The following MLIP variants were observed in gnomAD, a reference collection of about 807,000 sequenced individuals.
The protein encoded by MLIP is muscular LMNA-interacting protein.
Under a neutral mutation model 84.8 loss-of-function variants are expected in MLIP, and 79 were observed. That is an observed-to-expected ratio of 0.93 (90% CI 0.78 to 1.12). MLIP has a LOEUF of 1.12. Among genes scored for constraint, MLIP ranks in the 50% most tolerant of loss-of-function variants. The probability of loss-of-function intolerance (pLI) is 0.00; values close to 1 mark genes in which losing one functional copy is unlikely to be tolerated. For synonymous variants in MLIP, 504 were observed against 463.0 expected, an observed-to-expected ratio of 1.09 and a Z score of -1.14; for missense variants, 1,257 against 1,160.6, an observed-to-expected ratio of 1.08 and a Z score of -1.21.
intron 1 of MLIP, among the ~76,000 whole-genome samples, chr6:54,086,917 T>C (rs1211238161): frequency 2.0e-5 from 3 of 152,224 alleles, no homozygotes; most frequent in African/African-American, 7.2e-5. Context: ...CATCTTCTGC[T>C]ACTCCCTGTA....
chr6:54,079,903 C>T (rs1401926208), intron 1 of MLIP, among the ~76,000 whole-genome samples: 1 of 152,146 alleles, frequency 6.6e-6, no homozygotes, highest in East Asian at 1.9e-4. Context: ...CCTCCAACTA[C>T]CGCTCCACAA....
chr6:54,175,976 C>T (rs1776242438), intron 9 of MLIP, among the ~76,000 whole-genome samples: 1 of 151,938 alleles, frequency 6.6e-6, no homozygotes, highest in Admixed American at 6.6e-5. Flanking sequence ...GCTTTTTCAG[C>T]ATCAATGATG....
intron 3 of MLIP, among the ~76,000 whole-genome samples, chr6:54,127,314 A>G (rs1402720940): frequency 6.6e-6 from 1 of 152,202 alleles, no homozygotes; most frequent in Non-Finnish European, 1.5e-5. Context: ...ACTACATTAA[A>G]TCAAGTTCTG....
intron 12 of MLIP, among the ~76,000 whole-genome samples, chr6:54,242,757 C>G (rs551576868): frequency 1.3e-5 from 2 of 152,172 alleles, no homozygotes; most frequent in South Asian, 2.1e-4. Flanking sequence ...AGGAACAGCT[C>G]TTTGAGATAA....
At chr6:54,116,314 T>A (rs527590924) in intron 1 of MLIP, among the ~76,000 whole-genome samples, 1 of 152,202 alleles carries the variant, frequency 6.6e-6, no homozygotes, top group African/African-American at 2.4e-5. Context: ...ATTAATTATA[T>A]CAAGAGTGAT....
Position 54,117,820 on chromosome 6 carries a change from C to A in MLIP, c.97-3627C>A, listed in dbSNP as rs543715865. On this transcript the variant is annotated intron_variant, in intron 1 of 13. Transcript: ENST00000502396. The stretch of plus-strand genomic sequence containing the variant: ...AGTTAGCTGGGCGTGTTGGCGGGCG[C>A]CTGTAGTCCCAGCTACTCGGAAGGC... Among the ~76,000 whole-genome samples, 4 of 151,932 alleles carry A rather than the reference C, an allele frequency of 2.6e-5. No homozygotes were observed. The South Asian group carries it at 8.3e-4, about 32-fold the overall frequency.
chr6:54,247,287 A>G (rs1175424785), intron 12 of MLIP, among the ~76,000 whole-genome samples: 3 of 152,162 alleles, frequency 2.0e-5, no homozygotes, highest in Non-Finnish European at 4.4e-5. Context: ...AGGGCTTCTT[A>G]GCGATCAGTA....
chr6:54,181,056 A>G (rs1336753273), intron 9 of MLIP, among the ~76,000 whole-genome samples: 1 of 152,058 alleles, frequency 6.6e-6, no homozygotes, highest in Non-Finnish European at 1.5e-5. Context: ...CTCTGTACTG[A>G]GCTGCCTGGA....
chr6:54,088,666 T>C (rs1767657572), intron 1 of MLIP, among the ~76,000 whole-genome samples: 1 of 152,212 alleles, frequency 6.6e-6, no homozygotes, highest in Admixed American at 6.5e-5. Flanking sequence ...GAATAGCTTA[T>C]TATACCTGTT....
intron 11 of MLIP, among the ~76,000 whole-genome samples, chr6:54,224,002 A>T (rs1442108638): frequency 2.0e-5 from 3 of 152,022 alleles, no homozygotes; most frequent in Non-Finnish European, 4.4e-5. Flanking sequence ...TAAGCATTCA[A>T]TTTGGAAAAT....
At chr6:54,120,992 AT>A (rs1305447384) in intron 1 of MLIP, among the ~76,000 whole-genome samples, 2 of 152,158 alleles carry the variant, frequency 1.3e-5, no homozygotes, top group Non-Finnish European at 2.9e-5. Flanking sequence ...TCAACTTTAA[AT>A]TTGTATTTTG....
intron 9 of MLIP, among the ~76,000 whole-genome samples, chr6:54,180,684 T>C (rs993433113): frequency 6.6e-6 from 1 of 152,210 alleles, no homozygotes; most frequent in African/African-American, 2.4e-5. Context: ...TGCTTGATTT[T>C]GTTTTAATTA....
At chr6:54,204,433 A>G (rs1778904892) in intron 11 of MLIP, among the ~76,000 whole-genome samples, 1 of 152,222 alleles carries the variant, frequency 6.6e-6, no homozygotes, top group African/African-American at 2.4e-5. Flanking sequence ...AATGTTTATA[A>G]AAATAATTTA....
intron 11 of MLIP, among the ~76,000 whole-genome samples, chr6:54,219,855 A>G (rs550842277): frequency 6.6e-6 from 1 of 152,188 alleles, no homozygotes; most frequent in African/African-American, 2.4e-5. Context: ...CCATTCCTTA[A>G]GCCTGTTGTA....
At position 54,241,657 on chromosome 6, in the gene MLIP, A is replaced by C. The variant is rs193280502; in HGVS notation, c.2922+10740A>C. The stretch of plus-strand genomic sequence containing the variant: ...TTAAATTATAGCAATTATTTATATT[A>C]GAACTATGTTTTTGCTAAAAAAGAT... On this transcript the variant is annotated intron_variant, in intron 12 of 13. Transcript: ENST00000502396. 1.5e-3 allele frequency among the ~76,000 whole-genome samples: 223 copies of C among 152,346 alleles called. 1 individual carries two copies. The highest frequency in any genetic ancestry group is 5.2e-3 in the African/African-American group (216 of 41,590).
At chr6:54,077,004 A>G (rs1766844720) in intron 1 of MLIP, among the ~76,000 whole-genome samples, 1 of 152,206 alleles carries the variant, frequency 6.6e-6, no homozygotes, top group Non-Finnish European at 1.5e-5. Context: ...AGGGTGAATG[A>G]TCCACTGAGA....
At chr6:54,121,648 A>G in intron 2 of MLIP, 46 bp downstream of exon 2, 12 of 1,399,348 alleles carry the variant, frequency 8.6e-6, no homozygotes, top group Non-Finnish European at 1.2e-5. Context: ...ATTATATTAA[A>G]TTTTGATAAT....
chr6:54,095,639 C>T (rs1768157159), intron 1 of MLIP, among the ~76,000 whole-genome samples: 1 of 152,068 alleles, frequency 6.6e-6, no homozygotes, highest in South Asian at 2.1e-4. Flanking sequence ...TTTCTAATGA[C>T]ATTTTCTATT....
chr6:54,063,325 C>T (rs1766081527), intron 1 of MLIP: 1 of 152,010 alleles, frequency 6.6e-6, no homozygotes, highest in Non-Finnish European at 1.5e-5. Flanking sequence ...AATCTGAGTA[C>T]TCCTAATACT....
Sources: gnomAD v4.1 joint callset for allele counts (sites outside exome capture counted in the v4.1 genomes callset) on GRCh38, gnomAD v4.1.1 for gene constraint, MANE v1.5 for transcripts, NCBI Gene and HGNC (gene_info 2026-07-23, HGNC 2026-07-21) for gene names.